The following UBR3 variants were observed in gnomAD, a reference collection of about 807,000 sequenced individuals.
The protein encoded by UBR3 is ubiquitin protein ligase E3 component n-recognin 3.
Under a neutral mutation model 243.2 loss-of-function variants are expected in UBR3, and 85 were observed. The observed-to-expected ratio is 0.35, with a 90% CI of 0.29 to 0.42. The LOEUF is 0.42. UBR3 is among the 10% of genes least tolerant of loss of function. The probability of loss-of-function intolerance (pLI) is 1.00; values close to 1 mark genes in which losing one functional copy is unlikely to be tolerated. For synonymous variants in UBR3, 748 were observed against 799.8 expected (o/e 0.94, Z 1.09); for missense variants, 1,686 against 2,300.8 (o/e 0.73, Z 5.47).
intron 11 of UBR3, among the ~76,000 whole-genome samples, chr2:169,914,382 A>T (rs771187183): frequency 7.9e-5 from 12 of 152,224 alleles, no homozygotes; most frequent in Non-Finnish European, 1.8e-4. Flanking sequence ...TTCCTACAGA[A>T]GAGTGGCATG....
chr2:169,896,042 G>A (rs7606434), intron 7 of UBR3, among the ~76,000 whole-genome samples: 148,745 of 152,266 alleles, frequency 0.98, 72,737 homozygotes, highest in East Asian at 1. Flanking sequence ...CACGTCTGTA[G>A]TCCCAGCACT....
chr2:169,841,740 A>T (rs2082298012), intron 1 of UBR3, among the ~76,000 whole-genome samples: 1 of 152,134 alleles, frequency 6.6e-6, no homozygotes, highest in Non-Finnish European at 1.5e-5. Flanking sequence ...GCTGTGCTCG[A>T]TTTCTCTCCG....
chr2:169,869,887 A>C (rs2083382977), intron 1 of UBR3, among the ~76,000 whole-genome samples: 1 of 151,914 alleles, frequency 6.6e-6, no homozygotes, highest in South Asian at 2.1e-4. Context: ...CATTTTTGAG[A>C]GTTTGTAATC....
intron 35 of UBR3, among the ~76,000 whole-genome samples, chr2:170,072,939 C>T (rs890155536): frequency 2.0e-5 from 3 of 152,108 alleles, no homozygotes; most frequent in African/African-American, 4.8e-5. Context: ...TTACCTGGCT[C>T]CTAACAATTC....
chr2:170,011,626 C>CTT (rs35877456), intron 29 of UBR3, among the ~76,000 whole-genome samples: 18 of 123,280 alleles, frequency 1.5e-4, no homozygotes, highest in African/African-American at 4.5e-4. Context: ...TACAGCTTTT[C>CTT]TTTTTTTTTT....
chr2:170,001,434 T>A lies in UBR3; in HGVS notation c.4029+20T>A. On this transcript the variant is annotated intron_variant, in intron 27 of 38. Transcript: ENST00000272793. The stretch of plus-strand genomic sequence containing the variant: ...TTACGGGTAAGTTGATTGCAAAAAT[T>A]TTTTAAAGGTGCATGTATCTTTCCA... 6.7e-7 allele frequency: 1 copy of A among 1,492,104 alleles called. No homozygotes were observed. Among genetic ancestry groups the A allele is most frequent in the Non-Finnish European group, 9.3e-7 (1 of 1,071,170 alleles). 92.4% of individuals were successfully genotyped at this position (1,492,104 alleles called of 1,614,324 possible).
intron 27 of UBR3, among the ~76,000 whole-genome samples, chr2:170,001,937 A>AG (rs2089723722): frequency 3.7e-5 from 5 of 134,112 alleles, no homozygotes; most frequent in South Asian, 4.6e-4. Flanking sequence ...AAAAAAAAAA[A>AG]AAAAAGAAAG....
At chr2:170,000,509 T>C (rs919508192) in intron 26 of UBR3, among the ~76,000 whole-genome samples, 1 of 152,250 alleles carries the variant, frequency 6.6e-6, no homozygotes, top group Non-Finnish European at 1.5e-5. Flanking sequence ...GAGTGTGATA[T>C]AGAATGACTC....
intron 24 of UBR3, among the ~76,000 whole-genome samples, chr2:169,959,399 T>A (rs954462038): frequency 1.3e-5 from 2 of 151,746 alleles, no homozygotes; most frequent in Non-Finnish European, 2.9e-5. Flanking sequence ...GTACCAAAAT[T>A]CAAAACTTTC....
chr2:169,950,083 T>G lies in UBR3; in HGVS notation c.3545+18T>G, dbSNP rs751130381. 1 of 1,528,982 alleles carries G rather than the reference T, an allele frequency of 6.5e-7. No individual in the cohort carries two copies. Among genetic ancestry groups the G allele is most frequent in the Non-Finnish European group, 8.8e-7 (1 of 1,142,596 alleles). 94.7% of individuals were successfully genotyped at this position (1,528,982 alleles called of 1,614,324 possible). On this transcript the variant is annotated intron_variant, in intron 23 of 38. Transcript: ENST00000272793. ...GAAGAAAGGTAATTTTTATTTTTAA[T>G]GTTTTAAACGTGTGTATAGTTGAAA... is the stretch of plus-strand genomic sequence containing the variant.
Position 170,001,912 on chromosome 2 carries a change from CAAAAAAAAAAAAAAAA to C in UBR3, c.4029+513_4029+528del, listed in dbSNP as rs71006062. Among the ~76,000 whole-genome samples, 9 of 67,496 alleles carry C rather than the reference CAAAAAAAAAAAAAAAA, an allele frequency of 1.3e-4. No homozygotes were observed. The East Asian group carries it at 2.8e-3, about 21-fold the overall frequency. The allele number at this position is 67,496 out of a possible 152,430, so 44.3% of individuals were successfully genotyped here. A position where few individuals can be genotyped will look rare whatever the true frequency, so the allele number is the denominator to read the frequency against. On this transcript the variant is annotated intron_variant, in intron 27 of 38. Transcript: ENST00000272793. ...TGGGCAACAGAGAGAGACTCCATCTCAAAAAAAAAAAAAAAAAAAAAAAAAAAAAAGAAAGAAAAAT... is the reference window on the plus strand; with the variant it reads ...TGGGCAACAGAGAGAGACTCCATCTCAAAAAAAAAAAAAAGAAAGAAAAAT...
Position 169,828,061 on chromosome 2 carries a change from A to C in UBR3, c.545+9A>C. The C allele has an allele frequency of 7.3e-7, 1 of 1,360,588 alleles. No individual in the cohort carries two copies. Among genetic ancestry groups the C allele is most frequent in the Non-Finnish European group, 9.5e-7 (1 of 1,053,630 alleles). 84.3% of individuals were successfully genotyped at this position (1,360,588 alleles called of 1,614,324 possible). A position where few individuals can be genotyped will look rare whatever the true frequency, so the allele number is the denominator to read the frequency against. ...GTGATGCGGGAGAGCGGGTGAGTGG[A>C]GCCCTCCCCGCGGGCGAGGCGACCC... On this transcript the variant is annotated intron_variant, in intron 1 of 38. Coordinates refer to ENST00000272793, the MANE Select transcript of UBR3 (RefSeq NM_172070.4).
intron 1 of UBR3, among the ~76,000 whole-genome samples, chr2:169,834,755 A>G (rs1260271928): frequency 2.0e-5 from 3 of 152,264 alleles, no homozygotes. Context: ...ACTCTAAAAC[A>G]TAACTCAAAT....
At chr2:169,881,942 TTACA>T (rs2083870617) in intron 5 of UBR3, among the ~76,000 whole-genome samples, 1 of 117,858 alleles carries the variant, frequency 8.5e-6, no homozygotes, top group Admixed American at 9.3e-5. Context: ...TATAATATAA[TTACA>T]TATGTATGTA....
At chr2:169,933,431 A>G (rs558313605) in intron 19 of UBR3, among the ~76,000 whole-genome samples, 121 of 152,322 alleles carry the variant, frequency 7.9e-4, no homozygotes, top group African/African-American at 2.8e-3. Context: ...CCAAAGCAAA[A>G]TTAATTTTAC....
At chr2:169,883,696 A>G (rs1279402574) in intron 5 of UBR3, among the ~76,000 whole-genome samples, 1 of 152,214 alleles carries the variant, frequency 6.6e-6, no homozygotes, top group African/African-American at 2.4e-5. Context: ...ATCTCTTGGG[A>G]AAAAATACAA....
intron 5 of UBR3, among the ~76,000 whole-genome samples, chr2:169,890,532 G>T (rs1302655300): frequency 0.015 from 159 of 10,558 alleles, no homozygotes; most frequent in African/African-American, 0.042. Context: ...CTAGGAGAGA[G>T]AGAGAGAGAT....
intron 23 of UBR3, among the ~76,000 whole-genome samples, chr2:169,952,063 T>C (rs2105363046): frequency 6.6e-6 from 1 of 152,246 alleles, no homozygotes; most frequent in South Asian, 2.1e-4. Flanking sequence ...AAGGGAGAAT[T>C]CTTAGAGCTA....
chr2:170,056,876 G>A (rs566244867), intron 33 of UBR3, among the ~76,000 whole-genome samples: 45 of 152,202 alleles, frequency 3.0e-4, no homozygotes, highest in African/African-American at 1.1e-3. Flanking sequence ...CAAGTACAAG[G>A]CCAATCTCCT....
Sources: allele counts gnomAD v4.1 joint callset (sites outside exome capture counted in the v4.1 genomes callset), GRCh38; gene constraint gnomAD v4.1.1; transcripts MANE v1.5; gene names NCBI Gene and HGNC (gene_info 2026-07-23, HGNC 2026-07-21).